The following ANK2 variants were observed in gnomAD, a reference collection of about 807,000 sequenced individuals.
The protein encoded by ANK2 is ankyrin 2, also known as ankyrin-2.
Under a neutral mutation model 360.5 loss-of-function variants are expected in ANK2, and 83 were observed. That is an observed-to-expected ratio of 0.23 (90% CI 0.19 to 0.28). ANK2 has a LOEUF of 0.28. Ranked by LOEUF, ANK2 falls within the 10% of genes least tolerant of loss-of-function variation. The pLI is 1.00. For synonymous variants in ANK2, 1,740 were observed against 1,759.5 expected (o/e 0.99, Z 0.28); for missense variants, 4,201 against 4,795.7 (o/e 0.88, Z 3.66).
chr4:112,786,685 C>G, the ANK2 span, among the ~76,000 whole-genome samples: 1 of 151,116 alleles, frequency 6.6e-6, no homozygotes, highest in African/African-American at 2.4e-5. Context: ...CCACCATGCC[C>G]AGACACCACC....
intron 1 of ANK2, among the ~76,000 whole-genome samples, chr4:113,170,758 A>C (rs530391013): frequency 6.6e-5 from 10 of 152,162 alleles, no homozygotes; most frequent in Non-Finnish European, 1.3e-4. Context: ...TGTGTTTCTA[A>C]TATTCAGATA....
At chr4:112,894,592 C>G (rs1487476693) in intron 1 of ANK2, among the ~76,000 whole-genome samples, 1 of 152,094 alleles carries the variant, frequency 6.6e-6, no homozygotes. Flanking sequence ...GTAGAATGTT[C>G]CACAATTTCC....
At chr4:112,738,922 C>T in the ANK2 span, 20 of 701,114 alleles carry the variant, frequency 2.9e-5, no homozygotes, top group South Asian at 2.6e-4. Flanking sequence ...CTGCTAGTGG[C>T]TTCCGCAAGT....
At chr4:112,800,101 G>C in the ANK2 span, among the ~76,000 whole-genome samples, 1 of 152,144 alleles carries the variant, frequency 6.6e-6, no homozygotes, top group Non-Finnish European at 1.5e-5. Context: ...CATGCACGAT[G>C]TTAATTATTA....
intron 39 of ANK2, among the ~76,000 whole-genome samples, chr4:113,362,774 A>G (rs1013751117): frequency 1.3e-5 from 2 of 152,160 alleles, no homozygotes; most frequent in Non-Finnish European, 2.9e-5. Context: ...GGTTAATAGT[A>G]GAATTCAAAG....
chr4:112,944,890 C>A (rs2094454617), intron 2 of ANK2, among the ~76,000 whole-genome samples: 1 of 152,134 alleles, frequency 6.6e-6, no homozygotes, highest in Non-Finnish European at 1.5e-5. Flanking sequence ...GGAAAAAGTA[C>A]CTTTCTGAAA....
At chr4:113,188,667 C>A (rs1034275168) in intron 2 of ANK2, among the ~76,000 whole-genome samples, 4 of 152,098 alleles carry the variant, frequency 2.6e-5, no homozygotes, top group South Asian at 2.1e-4. Context: ...CAGATTGGCA[C>A]TAAAATAAAC....
intron 1 of ANK2, among the ~76,000 whole-genome samples, chr4:113,056,784 A>G (rs951113765): frequency 7.9e-5 from 12 of 152,300 alleles, no homozygotes; most frequent in African/African-American, 2.9e-4. Flanking sequence ...AAGGGAAAAT[A>G]TGTTCTAGAT....
chr4:113,330,202 C>T (rs1182295745), intron 26 of ANK2, 44 bp from the exon 27 acceptor site: 2 of 1,561,288 alleles, frequency 1.3e-6, no homozygotes, highest in Non-Finnish European at 1.7e-6. Context: ...TTCATCTGCC[C>T]CCAATATTTC....
At chr4:113,135,232 C>A (rs966555047) in intron 1 of ANK2, among the ~76,000 whole-genome samples, 1 of 152,136 alleles carries the variant, frequency 6.6e-6, no homozygotes, top group African/African-American at 2.4e-5. Flanking sequence ...AGTAAAGATA[C>A]CTATGAAAAA....
chr4:112,760,694 A>G, the ANK2 span, among the ~76,000 whole-genome samples: 17 of 151,894 alleles, frequency 1.1e-4, no homozygotes, highest in African/African-American at 3.9e-4. Flanking sequence ...CCTCGCCCCA[A>G]ATTCCATATT....
intron 2 of ANK2, among the ~76,000 whole-genome samples, chr4:112,967,482 T>A (rs1002971920): frequency 6.6e-6 from 1 of 152,160 alleles, no homozygotes; most frequent in African/African-American, 2.4e-5. Context: ...TGTTCGATAA[T>A]CAAAATAGTA....
In ANK2 at chr4:113,353,849, C is replaced by A. The variant is rs147706514; in HGVS notation, c.5231C>A (p.Ala1744Asp). Residue 1744 changes from alanine (A) to aspartate (D), a missense_variant, in exon 38 of 46, where the codon GCC becomes GAC. Coordinates refer to ENST00000357077, the MANE Select transcript of ANK2 (RefSeq NM_001148.6). The part of the protein sequence containing the change: ...EESLGEDPGL[A>D]PEPLPTVKAT... ...TCATTAGGTGAAGACCCAGGTTTAG[C>A]CCCTGAACCCCTTCCCACTGTCAAG... 154 of 1,613,782 alleles carry A rather than the reference C, an allele frequency of 9.5e-5. No homozygotes were observed. The highest frequency in any genetic ancestry group is 1.3e-4 in the Non-Finnish European group (149 of 1,179,956).
Position 113,336,064 on chromosome 4 carries a change from C to G in ANK2, c.3591+7C>G, listed in dbSNP as rs2153959853. On this transcript the variant is annotated splice_region_variant and intron_variant, in intron 30 of 45. Coordinates refer to ENST00000357077, the MANE Select transcript of ANK2 (RefSeq NM_001148.6). ...GATCCGCGTAGGCCTGCAGGTATGC[C>G]CATGTTAGATGCAAATGATCCTAAC... is the stretch of plus-strand genomic sequence containing the variant. 3 of 1,612,926 alleles carry G rather than the reference C, an allele frequency of 1.9e-6. No individual in the cohort carries two copies. The highest frequency in any genetic ancestry group is 2.5e-6 in the Non-Finnish European group (3 of 1,179,608).
intron 1 of ANK2, among the ~76,000 whole-genome samples, chr4:113,083,833 TAATA>T (rs1376459900): frequency 6.6e-6 from 1 of 152,230 alleles, no homozygotes; most frequent in African/African-American, 2.4e-5. Flanking sequence ...TGAGAATGAC[TAATA>T]GATACTTAGT....
chr4:112,917,247 T>A (rs924830830), intron 2 of ANK2, among the ~76,000 whole-genome samples: 6 of 152,270 alleles, frequency 3.9e-5, no homozygotes, highest in African/African-American at 1.2e-4. Context: ...TCTTTATTGA[T>A]AACTCTCGTG....
At chr4:113,117,646 A>AT (rs575848937) in intron 1 of ANK2, among the ~76,000 whole-genome samples, 66 of 151,522 alleles carry the variant, frequency 4.4e-4, no homozygotes, top group African/African-American at 1.5e-3. Context: ...CCTCCACTTC[A>AT]TTTTTCTTTT....
At chr4:112,820,108 A>G (rs1352039533) in intron 1 of ANK2, among the ~76,000 whole-genome samples, 1 of 152,238 alleles carries the variant, frequency 6.6e-6, no homozygotes, top group East Asian at 1.9e-4. Context: ...CCTTTTCTTT[A>G]ACACAGTAAT....
chr4:112,894,731 A>G (rs936207615), intron 1 of ANK2, among the ~76,000 whole-genome samples: 2 of 152,096 alleles, frequency 1.3e-5, no homozygotes, highest in Non-Finnish European at 2.9e-5. Flanking sequence ...CACTTTTTCC[A>G]CCATCCCCTG....
Sources: gnomAD v4.1 joint callset for allele counts (sites outside exome capture counted in the v4.1 genomes callset) on GRCh38, gnomAD v4.1.1 for gene constraint, MANE v1.5 for transcripts, NCBI Gene and HGNC (gene_info 2026-07-23, HGNC 2026-07-21) for gene names.